The following VPS26B variants were observed in gnomAD, a reference collection of about 807,000 sequenced individuals.
The protein encoded by VPS26B is VPS26 retromer complex component B.
VPS26B carries 10 observed loss-of-function variants against 33.3 expected under a neutral mutation model. That is an observed-to-expected ratio of 0.30 (90% CI 0.19 to 0.51). The LOEUF is 0.51. VPS26B is among the 20% of genes least tolerant of loss of function. The pLI is 0.98. For synonymous variants in VPS26B, 190 were observed against 176.9 expected (o/e 1.07, Z -0.59); for missense variants, 317 against 452.7 (o/e 0.70, Z 2.72).
intron 2 of VPS26B, chr11:134,236,660 C>T (rs2136049864): frequency 6.6e-6 from 1 of 152,328 alleles, no homozygotes; most frequent in South Asian, 2.1e-4. Context: ...TCCTATGCTA[C>T]AACATGGGTG....
chr11:134,234,685 C>T (rs184960998), intron 1 of VPS26B, among the ~76,000 whole-genome samples: 84 of 152,132 alleles, frequency 5.5e-4, no homozygotes, highest in Admixed American at 5.2e-4. Context: ...TTTTCTGCCA[C>T]GGGATTTCAC....
At chr11:134,226,120 G>A (rs147639560) in intron 1 of VPS26B, among the ~76,000 whole-genome samples, 99 of 152,268 alleles carry the variant, frequency 6.5e-4, no homozygotes, top group Admixed American at 1.0e-3. Context: ...ACTAGACAGC[G>A]CCAGGCACAG....
At position 134,244,987 on chromosome 11, in the gene VPS26B, C is replaced by A. The variant is rs1417642283; in HGVS notation, c.771C>A (p.Pro257=). The change falls in exon 5 of 6, where the codon CCC becomes CCA. Residue 257 remains proline, a synonymous_variant. Coordinates refer to ENST00000281187, the MANE Select transcript of VPS26B (RefSeq NM_052875.5). The surrounding 1 kb of genome is among the most constrained non-coding windows in gnomAD (Gnocchi z 4.0). The part of the protein sequence containing the change: ...RLFLAGYELT[P]TMRDINKKFS... Reference sequence around the variant, plus strand: ...TCCTGGCCGGGTATGAGCTCACGCCCACCATGCGGGACATCAACAAGAAGT... The same window carrying A: ...TCCTGGCCGGGTATGAGCTCACGCCAACCATGCGGGACATCAACAAGAAGT... The A allele has an allele frequency of 6.2e-7, 1 of 1,614,004 alleles. No homozygotes were observed. Among genetic ancestry groups the A allele is most frequent in the African/African-American group, 1.3e-5 (1 of 74,930 alleles).
chr11:134,238,988 G>C (rs1938678509), intron 2 of VPS26B, among the ~76,000 whole-genome samples: 1 of 152,136 alleles, frequency 6.6e-6, no homozygotes, highest in African/African-American at 2.4e-5. Context: ...TATTACATTA[G>C]ATTATATTAA....
chr11:134,234,875 T>C, intron 1 of VPS26B, 22 bp from the exon 2 acceptor site: 1 of 1,609,890 alleles, frequency 6.2e-7, no homozygotes, highest in Non-Finnish European at 8.5e-7. Flanking sequence ...AAGGAGGGCG[T>C]CGCATCGCTG....
intron 3 of VPS26B, 84 bp from the exon 4 acceptor site, chr11:134,243,035 T>C: frequency 7.1e-7 from 1 of 1,402,394 alleles, no homozygotes; most frequent in South Asian, 1.3e-5. Context: ...CCAGCACGCT[T>C]GGCCGTGGCG....
In VPS26B at chr11:134,238,658, T is replaced by G. The variant is rs184825554; in HGVS notation, c.381-1333T>G. The stretch of plus-strand genomic sequence containing the variant: ...TTGCCCAGGCTGGAGTGCAGTGGCT[T>G]GATCTCGGCTCACCGCAAGCTCCGC... On this transcript the variant is annotated intron_variant, in intron 2 of 5. Transcript: ENST00000281187. Among the ~76,000 whole-genome samples, 43 of 152,294 alleles carry G rather than the reference T, an allele frequency of 2.8e-4. 1 individual carries two copies. The South Asian group carries it at 6.4e-3, about 23-fold the overall frequency.
At chr11:134,235,411 GC>G (rs1565356682) in intron 2 of VPS26B, 1 of 168,386 alleles carries the variant, frequency 5.9e-6, no homozygotes, top group East Asian at 1.6e-4. Context: ...TGAGATTTTC[GC>G]ATGTCTTACC....
intron 2 of VPS26B, among the ~76,000 whole-genome samples, chr11:134,238,137 T>C (rs1246324136): frequency 6.6e-6 from 1 of 152,100 alleles, no homozygotes; most frequent in Non-Finnish European, 1.5e-5. Flanking sequence ...TTCCAGACAA[T>C]CACATATCAG....
At position 134,240,017 on chromosome 11, in the gene VPS26B, G is replaced by A; in HGVS notation, c.407G>A (p.Arg136His). 4 of 1,614,106 alleles carry A rather than the reference G, an allele frequency of 2.5e-6. No homozygotes were observed. Among genetic ancestry groups the A allele is most frequent in the Non-Finnish European group, 3.4e-6 (4 of 1,180,016 alleles). ...TATTTCCTTCGTGCTACCATCAGCC[G>A]CCGCCTCAATGATGTTGTCAAAGAG... ...LRYFLRATIS[R>H]RLNDVVKEMD... The change falls in exon 3 of 6, where the codon CGC (arginine) becomes CAC (histidine). Residue 136 changes from arginine to histidine, a missense_variant. By Grantham distance (29) the Arg-to-His change is conservative. Coordinates refer to ENST00000281187, the MANE Select transcript of VPS26B (RefSeq NM_052875.5). This position sits in a 1 kb window ranked among gnomAD's most constrained non-coding sequence, Gnocchi z 4.4.
intron 1 of VPS26B, among the ~76,000 whole-genome samples, chr11:134,226,786 G>C (rs986667636): frequency 1.1e-4 from 16 of 152,224 alleles, no homozygotes; most frequent in Admixed American, 9.2e-4. Flanking sequence ...ACAGGTAGGA[G>C]AAACCCTGGG....
In VPS26B at chr11:134,240,712, C is replaced by T. The variant is rs960021334; in HGVS notation, c.545+557C>T. On this transcript the variant is annotated intron_variant, in intron 3 of 5. Coordinates refer to ENST00000281187, the MANE Select transcript of VPS26B (RefSeq NM_052875.5). This position sits in a 1 kb window ranked among gnomAD's most constrained non-coding sequence, Gnocchi z 4.4. ...TCCTAGACTCAAGCATTTCTCTCACCTCCGCCCCTACAAGTAGCTAGGAGC... is the reference window on the plus strand; with the variant it reads ...TCCTAGACTCAAGCATTTCTCTCACTTCCGCCCCTACAAGTAGCTAGGAGC... Among the ~76,000 whole-genome samples, 2 of 152,042 alleles carry T rather than the reference C, an allele frequency of 1.3e-5. No individual in the cohort carries two copies. Among genetic ancestry groups the T allele is most frequent in the African/African-American group, 4.8e-5 (2 of 41,388 alleles).
chr11:134,227,201 C>G (rs1286911357), intron 1 of VPS26B, among the ~76,000 whole-genome samples: 1 of 152,240 alleles, frequency 6.6e-6, no homozygotes, highest in African/African-American at 2.4e-5. Context: ...AAAATCATCT[C>G]TAGCAAAGAA....
At chr11:134,225,689 T>C (rs183805332) in intron 1 of VPS26B, among the ~76,000 whole-genome samples, 1 of 152,330 alleles carries the variant, frequency 6.6e-6, no homozygotes, top group Non-Finnish European at 1.5e-5. Context: ...GGTGAGGTGC[T>C]CTGGCCATAG....
rs1938845370 is a variant in VPS26B at position 134,247,177 on chromosome 11, C to A, written c.*1587C>A. On this transcript the variant is annotated 3_prime_UTR_variant, in exon 6 of 6. Coordinates refer to ENST00000281187, the MANE Select transcript of VPS26B (RefSeq NM_052875.5). ...AGAACCGAGGAAGGCAAGGTTGTTTCCCCCACGCTGTGTCCTGTGTTCAGG... is the reference window on the plus strand; with the variant it reads ...AGAACCGAGGAAGGCAAGGTTGTTTACCCCACGCTGTGTCCTGTGTTCAGG... 1 of 152,154 alleles carries A rather than the reference C, an allele frequency of 6.6e-6. No individual in the cohort carries two copies. The highest frequency in any genetic ancestry group is 2.1e-4 in the South Asian group (1 of 4,824). 9.4% of individuals were successfully genotyped at this position (152,154 alleles called of 1,614,324 possible).
At chr11:134,228,800 G>T (rs1484745024) in intron 1 of VPS26B, among the ~76,000 whole-genome samples, 1 of 152,188 alleles carries the variant, frequency 6.6e-6, no homozygotes, top group African/African-American at 2.4e-5. Context: ...AGCTGCGGTC[G>T]TGTGGTTTTC....
chr11:134,229,827 C>T (rs1047208512), intron 1 of VPS26B, among the ~76,000 whole-genome samples: 1 of 152,150 alleles, frequency 6.6e-6, no homozygotes, highest in Non-Finnish European at 1.5e-5. Flanking sequence ...TTAAAATTCT[C>T]GCCTCCCTAT....
rs181489956 is a variant in VPS26B at position 134,240,751 on chromosome 11, G to A, written c.545+596G>A. On this transcript the variant is annotated intron_variant, in intron 3 of 5. Transcript: ENST00000281187. This position sits in a 1 kb window ranked among gnomAD's most constrained non-coding sequence, Gnocchi z 4.4. ...GTAGCTAGGAGCACAGGCATGCACC[G>A]CCACACCCAGCTAATTTGTGTCCGT... is the stretch of plus-strand genomic sequence containing the variant. Among the ~76,000 whole-genome samples, 53 of 151,208 alleles carry A rather than the reference G, an allele frequency of 3.5e-4. No homozygotes were observed. The highest frequency in any genetic ancestry group is 1.2e-3 in the African/African-American group (50 of 41,014).
At chr11:134,236,828 G>C (rs911885308) in intron 2 of VPS26B, 1 of 152,236 alleles carries the variant, frequency 6.6e-6, no homozygotes, top group African/African-American at 2.4e-5. Flanking sequence ...AATGGGGGTT[G>C]GTGTTTAATG....
Sources: allele counts gnomAD v4.1 joint callset (sites outside exome capture counted in the v4.1 genomes callset), GRCh38; gene constraint gnomAD v4.1.1; non-coding constraint Gnocchi (gnomAD v3.1); transcripts MANE v1.5; gene names NCBI Gene and HGNC (gene_info 2026-07-23, HGNC 2026-07-21).